ESF1: variants seen among roughly 807,000 people sequenced by gnomAD.
The protein encoded by ESF1 is ESF1 nucleolar pre-rRNA processing protein.
ESF1 carries 58 observed loss-of-function variants against 92.0 expected under a neutral mutation model. The observed-to-expected ratio is 0.63, with a 90% CI of 0.51 to 0.78. ESF1 has a LOEUF of 0.78. Ranked by LOEUF, ESF1 falls within the 30% of genes least tolerant of loss-of-function variation. The pLI is 0.00. For missense variants in ESF1, 922 were observed against 989.1 expected (o/e 0.93, Z 0.91); for synonymous variants, 321 against 313.7 (o/e 1.02, Z -0.24).
rs1979665569 is a variant in ESF1 at position 13,771,202 on chromosome 20, T to TA, written c.1403+128dup. On this transcript the variant is annotated intron_variant, in intron 6 of 13. Transcript: ENST00000617257. The stretch of plus-strand genomic sequence containing the variant: ...TTCTTAGGAGTGATGTTCCATGGGA[T>TA]AGAGTTAACCGAAAAGCAAAAAAAT... 3.9e-6 allele frequency: 3 copies of TA among 768,272 alleles called. No individual in the cohort carries two copies. In the Admixed American group the frequency reaches 7.4e-5, roughly 19 times the overall value. The allele number at this position is 768,272 out of a possible 1,614,324, so 47.6% of individuals were successfully genotyped here. A position where few individuals can be genotyped will look rare whatever the true frequency, so the allele number is the denominator to read the frequency against.
At chr20:13,723,580 GA>G (rs1189397206) in intron 11 of ESF1, among the ~76,000 whole-genome samples, 1 of 150,064 alleles carries the variant, frequency 6.7e-6, no homozygotes, top group Non-Finnish European at 1.5e-5. Context: ...ATAAAAGATA[GA>G]AGAAAAAATT....
chr20:13,748,262 TCA>T (rs1978370421), intron 9 of ESF1, among the ~76,000 whole-genome samples: 1 of 152,084 alleles, frequency 6.6e-6, no homozygotes, highest in African/African-American at 2.4e-5. Flanking sequence ...AGTCTATGCT[TCA>T]GTTTTTCTCT....
chr20:13,724,451 CCATTTCCCTGAGGTTATAAG>C (rs111889504), intron 11 of ESF1, among the ~76,000 whole-genome samples: 22 of 152,180 alleles, frequency 1.4e-4, no homozygotes, highest in African/African-American at 5.3e-4. Flanking sequence ...CTATGGGAAT[CCATTTCCCTGAGGTTATAAG>C]CATGCTTCCA....
At chr20:13,745,591 A>C (rs1298753383) in intron 9 of ESF1, among the ~76,000 whole-genome samples, 1 of 152,116 alleles carries the variant, frequency 6.6e-6, no homozygotes, top group Non-Finnish European at 1.5e-5. Context: ...AGCTGGGATT[A>C]TAGGCACCTG....
intron 8 of ESF1, among the ~76,000 whole-genome samples, chr20:13,760,950 T>C (rs1335130179): frequency 6.6e-5 from 10 of 152,012 alleles, no homozygotes; most frequent in Admixed American, 6.6e-4. Flanking sequence ...GGGGGAAAGG[T>C]GGGGAAAAGA....
intron 10 of ESF1, among the ~76,000 whole-genome samples, chr20:13,728,736 G>A (rs2147727765): frequency 6.6e-6 from 1 of 152,004 alleles, no homozygotes; most frequent in South Asian, 2.1e-4. Context: ...GCATGGTGGT[G>A]CATGCCTGTA....
At chr20:13,750,315 G>A (rs931493887) in intron 9 of ESF1, among the ~76,000 whole-genome samples, 3 of 152,138 alleles carry the variant, frequency 2.0e-5, no homozygotes, top group Non-Finnish European at 2.9e-5. Flanking sequence ...GACCAGCCTG[G>A]CTAACATGGT....
chr20:13,776,741 T>C (rs1448700531), intron 2 of ESF1, among the ~76,000 whole-genome samples: 3 of 152,172 alleles, frequency 2.0e-5, no homozygotes, highest in Admixed American at 6.5e-5. Flanking sequence ...GGGGATTTAA[T>C]GGGGTCCCTA....
chr20:13,738,857 A>G (rs1391112077), intron 9 of ESF1, among the ~76,000 whole-genome samples: 1 of 152,216 alleles, frequency 6.6e-6, no homozygotes, highest in African/African-American at 2.4e-5. Context: ...GAAGCAAATA[A>G]AAGAAAAAAA....
At chr20:13,767,491 T>G (rs1228404975) in intron 7 of ESF1, among the ~76,000 whole-genome samples, 1 of 150,668 alleles carries the variant, frequency 6.6e-6, no homozygotes, top group Non-Finnish European at 1.5e-5. Context: ...ATCATGCCAT[T>G]GCACTCCAGC....
chr20:13,737,221 A>G (rs1198085316), intron 9 of ESF1, among the ~76,000 whole-genome samples: 1 of 152,230 alleles, frequency 6.6e-6, no homozygotes. Flanking sequence ...TAACATCAAT[A>G]ATCCTACAAA....
At chr20:13,716,803 GATTTTTTTTTTTTTT>G (rs1436527318) in intron 13 of ESF1, among the ~76,000 whole-genome samples, 13 of 58,460 alleles carry the variant, frequency 2.2e-4, no homozygotes, top group African/African-American at 6.7e-4. Context: ...ACTATACCTG[GATTTTTTTTTTTTTT>G]TTTTTTTTTT....
chr20:13,738,233 C>T (rs2049987986), intron 9 of ESF1, among the ~76,000 whole-genome samples: 1 of 152,054 alleles, frequency 6.6e-6, no homozygotes, highest in Non-Finnish European at 1.5e-5. Context: ...TCAAATAAAA[C>T]ATATGAAGAT....
At chr20:13,763,541 A>G (rs1979300443) in intron 8 of ESF1, among the ~76,000 whole-genome samples, 1 of 152,242 alleles carries the variant, frequency 6.6e-6, no homozygotes, top group South Asian at 2.1e-4. Flanking sequence ...GTGAAGAAAC[A>G]CTATCCAGAA....
chr20:13,748,630 C>T (rs1978444826), intron 9 of ESF1, among the ~76,000 whole-genome samples: 1 of 145,840 alleles, frequency 6.9e-6, no homozygotes, highest in Non-Finnish European at 1.5e-5. Context: ...CTCTGTTCCC[C>T]AGGCTGGAGT....
chr20:13,740,930 C>T (rs376835408), intron 9 of ESF1, among the ~76,000 whole-genome samples: 40 of 152,214 alleles, frequency 2.6e-4, no homozygotes, highest in African/African-American at 5.1e-4. Flanking sequence ...GAGGCTAAGA[C>T]GGGGACTGGC....
chr20:13,718,164 A>G (rs1300362378), intron 12 of ESF1, among the ~76,000 whole-genome samples: 1 of 152,214 alleles, frequency 6.6e-6, no homozygotes, highest in Non-Finnish European at 1.5e-5. Context: ...ACCTTTGTGG[A>G]TCTTCCTATA....
chr20:13,718,416 G>T (rs1040817154), intron 12 of ESF1, among the ~76,000 whole-genome samples: 2 of 152,160 alleles, frequency 1.3e-5, no homozygotes, highest in African/African-American at 2.4e-5. Context: ...CTGGACATAG[G>T]GGGTCACTGA....
intron 2 of ESF1, among the ~76,000 whole-genome samples, chr20:13,777,666 G>A (rs1475590116): frequency 6.6e-6 from 1 of 152,190 alleles, no homozygotes; most frequent in East Asian, 1.9e-4. Context: ...TTGAAAGACT[G>A]TTTTTGCTTA....
Sources: gnomAD v4.1 joint callset for allele counts (sites outside exome capture counted in the v4.1 genomes callset) on GRCh38, gnomAD v4.1.1 for gene constraint, MANE v1.5 for transcripts, NCBI Gene and HGNC (gene_info 2026-07-23, HGNC 2026-07-21) for gene names.